The following ATG2B variants were observed in gnomAD, a reference collection of about 807,000 sequenced individuals.
ATG2B encodes the protein autophagy related 2B.
In ATG2B, 121 loss-of-function variants were observed where a neutral mutation model predicts 241.3. That is an observed-to-expected ratio of 0.50 (90% CI 0.43 to 0.58). ATG2B has a LOEUF of 0.58. Ranked by LOEUF, ATG2B falls within the 20% of genes least tolerant of loss-of-function variation. The probability of loss-of-function intolerance (pLI) is 0.00; values close to 1 mark genes in which losing one functional copy is unlikely to be tolerated. For synonymous variants in ATG2B, 858 were observed against 876.6 expected, an observed-to-expected ratio of 0.98 and a Z score of 0.37; for missense variants, 2,306 against 2,491.6, an observed-to-expected ratio of 0.93 and a Z score of 1.59.
At position 96,332,464 on chromosome 14, in the gene ATG2B, C is replaced by T; in HGVS notation, c.1362+37G>A. The T allele has an allele frequency of 3.7e-6, 6 of 1,611,720 alleles. No homozygotes were observed. In the South Asian group the frequency reaches 6.6e-5, roughly 18 times the overall value. ...ATGAAGTGTAGAATTTTAGAAGCAA[C>T]TTTTCAGTCTAGAAGAAAAATTAAG... On this transcript the variant is annotated intron_variant, in intron 9 of 41. Coordinates refer to ENST00000359933, the MANE Select transcript of ATG2B (RefSeq NM_018036.7).
chr14:96,301,491 T>C (rs914686301), intron 34 of ATG2B, among the ~76,000 whole-genome samples: 2 of 152,178 alleles, frequency 1.3e-5, no homozygotes, highest in Non-Finnish European at 2.9e-5. Flanking sequence ...CCAGAAGAAT[T>C]TGATGGGATG....
At chr14:96,303,631 A>T (rs1000497547) in intron 32 of ATG2B, among the ~76,000 whole-genome samples, 2 of 152,206 alleles carry the variant, frequency 1.3e-5, no homozygotes, top group Non-Finnish European at 2.9e-5. Flanking sequence ...CCTAACTTAG[A>T]AATTAAACTT....
At chr14:96,310,099 T>C (rs1214118561) in intron 28 of ATG2B, among the ~76,000 whole-genome samples, 2 of 152,176 alleles carry the variant, frequency 1.3e-5, no homozygotes, top group Non-Finnish European at 2.9e-5. Context: ...ACTTCACCAA[T>C]GGTTGGTGAA....
rs368514043 is a variant in ATG2B, at chr14:96,302,037, C to T, written c.5109G>A (p.Ser1703=). The change falls in exon 34 of 42, where the codon TCG becomes TCA. Residue 1703 remains serine (S), a synonymous_variant. Coordinates refer to ENST00000359933, the MANE Select transcript of ATG2B (RefSeq NM_018036.7). The part of the protein sequence containing the change: ...RSPQECCLRV[S]LMPLRLNIDQ... The stretch of plus-strand genomic sequence containing the variant: ...CAATATTGAGGCGGAGCGGCATCAG[C>T]GACACTCTCAAGCAGCACTCCTGTG... 3.6e-5 allele frequency: 58 copies of T among 1,613,942 alleles called. No individual in the cohort carries two copies. Among genetic ancestry groups the T allele is most frequent in the Non-Finnish European group, 4.3e-5 (51 of 1,179,986 alleles).
chr14:96,342,752 A>G (rs1457822473), intron 5 of ATG2B, among the ~76,000 whole-genome samples: 1 of 150,858 alleles, frequency 6.6e-6, no homozygotes, highest in African/African-American at 2.4e-5. Flanking sequence ...AATGAGTTTT[A>G]TGAGTTTTGT....
At chr14:96,357,635 C>T (rs1471485847) in intron 1 of ATG2B, among the ~76,000 whole-genome samples, 2 of 152,024 alleles carry the variant, frequency 1.3e-5, no homozygotes, top group African/African-American at 2.4e-5. Flanking sequence ...CCACAAGTTA[C>T]GGTCATCAAG....
At position 96,317,712 on chromosome 14, in the gene ATG2B, G is replaced by T; in HGVS notation, c.3023C>A (p.Ser1008Tyr). The T allele has an allele frequency of 6.2e-7, 1 of 1,607,922 alleles. No individual in the cohort carries two copies. Among genetic ancestry groups the T allele is most frequent in the East Asian group, 2.2e-5 (1 of 44,780 alleles). Reference sequence around the variant, plus strand: ...AAATATATTACCATAGTGAACTGCAGATTTAAATGCACTAAAACTATCTTT... The same window carrying T: ...AAATATATTACCATAGTGAACTGCATATTTAAATGCACTAAAACTATCTTT... ...FNKDSFSAFK[S>Y]AVHYDEESGS... The change falls in exon 19 of 42, where the codon TCT becomes TAT. Residue 1008 changes from serine (S) to tyrosine (Y), a missense_variant. Coordinates refer to ENST00000359933, the MANE Select transcript of ATG2B (RefSeq NM_018036.7).
chr14:96,332,575 T>C lies in ATG2B; in HGVS notation c.1288A>G (p.Asn430Asp), dbSNP rs371413816. The change falls in exon 9 of 42, where the codon AAC (asparagine) becomes GAC (aspartate). Residue 430 changes from asparagine (N) to aspartate (D), a missense_variant. Asn to Asp is a conservative substitution (Grantham distance 23, BLOSUM62 1). Coordinates refer to ENST00000359933, the MANE Select transcript of ATG2B (RefSeq NM_018036.7). ...GTTAATGATAACTCAAGGTCCATGT[T>C]TGGGGGGTCCCCAAGGGGTGGAAGA... ...SSLPPLGDPP[N>D]MDLELSLTST... 34 of 1,611,212 alleles carry C rather than the reference T, an allele frequency of 2.1e-5. No individual in the cohort carries two copies. The highest frequency in any genetic ancestry group is 3.3e-5 in the South Asian group (3 of 90,466).
At chr14:96,323,127 CATATT>C (rs931114934) in intron 16 of ATG2B, among the ~76,000 whole-genome samples, 4 of 152,260 alleles carry the variant, frequency 2.6e-5, no homozygotes, top group East Asian at 1.9e-4. Flanking sequence ...ATATCAACCT[CATATT>C]ATATCAGTTG....
intron 11 of ATG2B, 114 bp from the exon 12 acceptor site, chr14:96,329,748 A>G (rs1887683059): frequency 1.7e-6 from 1 of 599,900 alleles, no homozygotes; most frequent in African/African-American, 1.9e-5. Context: ...AATTAACCAG[A>G]AAGATTGCTT....
rs183210720 is a variant in ATG2B, at chr14:96,302,411, C to T, written c.5038-303G>A. Among the ~76,000 whole-genome samples the T allele has an allele frequency of 2.9e-3, 444 of 152,056 alleles. 3 individuals are homozygous for T. The highest frequency in any genetic ancestry group is 0.01 in the African/African-American group (421 of 41,462). ...CCAGCCTGTGCAATATAGGAAAACCCCAACTCCACAAAAAACAAAAAATTA... is the reference window on the plus strand; with the variant it reads ...CCAGCCTGTGCAATATAGGAAAACCTCAACTCCACAAAAAACAAAAAATTA... On this transcript the variant is annotated intron_variant, in intron 33 of 41. Transcript: ENST00000359933.
chr14:96,313,704 T>C (rs756564100), intron 23 of ATG2B, among the ~76,000 whole-genome samples: 2 of 152,166 alleles, frequency 1.3e-5, no homozygotes, highest in African/African-American at 2.4e-5. Context: ...TTATTCACCT[T>C]ATATATAATA....
At chr14:96,339,047 C>T (rs752142617) in intron 6 of ATG2B, among the ~76,000 whole-genome samples, 2 of 151,998 alleles carry the variant, frequency 1.3e-5, no homozygotes, top group Non-Finnish European at 2.9e-5. Flanking sequence ...CACTAATCAT[C>T]AGGAAAATGC....
At chr14:96,358,442 GGAAAAAAA>G (rs755217688) in intron 1 of ATG2B, among the ~76,000 whole-genome samples, 62 of 151,446 alleles carry the variant, frequency 4.1e-4, no homozygotes, top group Non-Finnish European at 6.6e-4. Context: ...AGAAAGAAAA[GGAAAAAAA>G]GAAAAAAACT....
In ATG2B at chr14:96,358,162, C is replaced by T. The variant is rs146421601; in HGVS notation, c.162+4653G>A. ...AGAGTAATATTAAAGGGGCCTGGTA[C>T]GGTGGCTCATGCCTGTAATTCCAGA... On this transcript the variant is annotated intron_variant, in intron 1 of 41. Transcript: ENST00000359933. 2.6e-4 allele frequency among the ~76,000 whole-genome samples: 39 copies of T among 152,170 alleles called. No homozygotes were observed. The East Asian group carries it at 4.4e-3, about 17-fold the overall frequency.
intron 14 of ATG2B, among the ~76,000 whole-genome samples, chr14:96,327,946 T>C (rs1056570667): frequency 6.6e-6 from 1 of 152,148 alleles, no homozygotes; most frequent in African/African-American, 2.4e-5. Flanking sequence ...GCCTCCTGAG[T>C]AGCTGAGATT....
chr14:96,328,716 A>G lies in ATG2B; in HGVS notation c.1932T>C (p.Cys644=). Reference sequence around the variant, plus strand: ...CAGAATGCTTATAATGAAGCTGAAGACACACAGGGGAATGGGAACCAGTTT... The same window carrying G: ...CAGAATGCTTATAATGAAGCTGAAGGCACACAGGGGAATGGGAACCAGTTT... ...KEETGSHSPV[C]LQLHYKHSEN... Residue 644 remains cysteine, a synonymous_variant, in exon 13 of 42, where the codon TGT becomes TGC. Coordinates refer to ENST00000359933, the MANE Select transcript of ATG2B (RefSeq NM_018036.7). 6 of 1,612,490 alleles carry G rather than the reference A, an allele frequency of 3.7e-6. No individual in the cohort carries two copies. The highest frequency in any genetic ancestry group is 5.1e-6 in the Non-Finnish European group (6 of 1,179,468).
chr14:96,337,928 T>C lies in ATG2B; in HGVS notation c.925-3427A>G, dbSNP rs144989169. 8.7e-4 allele frequency among the ~76,000 whole-genome samples: 133 copies of C among 152,318 alleles called. 1 individual carries two copies. Among genetic ancestry groups the C allele is most frequent in the African/African-American group, 3.0e-3 (126 of 41,562 alleles). On this transcript the variant is annotated intron_variant, in intron 6 of 41. Coordinates refer to ENST00000359933, the MANE Select transcript of ATG2B (RefSeq NM_018036.7). The stretch of plus-strand genomic sequence containing the variant: ...TGAGTATGGGATGTGTTTCCATTTG[T>C]TTGTGCCATCTATTCTTTCAGCAGT...
At chr14:96,339,477 C>CAT (rs1247231208) in intron 6 of ATG2B, among the ~76,000 whole-genome samples, 1 of 151,694 alleles carries the variant, frequency 6.6e-6, no homozygotes, top group African/African-American at 2.4e-5. Flanking sequence ...ATATACACCA[C>CAT]ATATATATAC....
Sources: allele counts gnomAD v4.1 joint callset (sites outside exome capture counted in the v4.1 genomes callset), GRCh38; gene constraint gnomAD v4.1.1; transcripts MANE v1.5; gene names NCBI Gene and HGNC (gene_info 2026-07-23, HGNC 2026-07-21).